The following ERC1 variants were observed in gnomAD, a reference collection of about 807,000 sequenced individuals.
ERC1 encodes RAB6 interacting protein 2.
A neutral mutation model predicts 132.0 loss-of-function variants in ERC1; 56 were observed. The ratio of observed to expected loss-of-function variants is 0.42; its 90% confidence interval spans 0.34 to 0.53. ERC1 has a LOEUF of 0.53. Ranked by LOEUF, ERC1 falls within the 20% of genes least tolerant of loss-of-function variation. The pLI is 0.03. For synonymous variants in ERC1, 478 were observed against 476.1 expected, an observed-to-expected ratio of 1.00 and a Z score of -0.05; for missense variants, 1,202 against 1,349.9, an observed-to-expected ratio of 0.89 and a Z score of 1.72.
chr12:1,108,727 A>G lies in ERC1; in HGVS notation c.1162-1465A>G, dbSNP rs1174035804. Among the ~76,000 whole-genome samples, 5 of 152,232 alleles carry G rather than the reference A, an allele frequency of 3.3e-5. 1 individual carries two copies. The East Asian group carries it at 9.6e-4, about 29-fold the overall frequency. ...AGAATGACTCTGATTGTATTAATTC[A>G]GTACAATGGATTTTGAACAGGTACA... On this transcript the variant is annotated intron_variant, in intron 4 of 18. Coordinates refer to ENST00000360905, the MANE Select transcript of ERC1 (RefSeq NM_178040.4).
chr12:1,441,115 A>G (rs983871026), intron 17 of ERC1, among the ~76,000 whole-genome samples: 5 of 151,496 alleles, frequency 3.3e-5, no homozygotes, highest in South Asian at 2.1e-4. Flanking sequence ...CTGGAGTGCA[A>G]TGGTGCGATC....
chr12:1,264,382 G>C (rs1356360530), intron 14 of ERC1, among the ~76,000 whole-genome samples: 1 of 152,180 alleles, frequency 6.6e-6, no homozygotes, highest in Non-Finnish European at 1.5e-5. Flanking sequence ...TCAAACCTAG[G>C]CCGAGCGCGG....
chr12:1,485,631 A>G (rs1012310103), intron 18 of ERC1, among the ~76,000 whole-genome samples: 2 of 152,140 alleles, frequency 1.3e-5, no homozygotes, highest in Non-Finnish European at 2.9e-5. Context: ...GGCTTATGGT[A>G]CCACTTCATA....
chr12:1,225,748 C>T (rs916818606), intron 12 of ERC1, among the ~76,000 whole-genome samples: 5 of 152,120 alleles, frequency 3.3e-5, no homozygotes, highest in African/African-American at 1.2e-4. Context: ...TGTCATAATG[C>T]CCCAAATAAC....
intron 13 of ERC1, among the ~76,000 whole-genome samples, chr12:1,249,635 G>T (rs1004118465): frequency 6.6e-6 from 1 of 152,152 alleles, no homozygotes; most frequent in Non-Finnish European, 1.5e-5. Flanking sequence ...GATTTTAATT[G>T]TATCTATAGA....
chr12:1,281,979 G>A (rs1566475616), intron 14 of ERC1, among the ~76,000 whole-genome samples: 1 of 152,036 alleles, frequency 6.6e-6, no homozygotes, highest in Non-Finnish European at 1.5e-5. Context: ...CCCTACTTAG[G>A]AGTGATGAGT....
In ERC1 at chr12:1,187,649, A is replaced by G. The variant is rs189542491; in HGVS notation, c.2158-2210A>G. ...TACTGATTAATTTCTCTTCTTCCCA[A>G]TCATTTTTCTTTTCCTACCGTTTAG... On this transcript the variant is annotated intron_variant, in intron 11 of 18. Transcript: ENST00000360905. 3.6e-4 allele frequency among the ~76,000 whole-genome samples: 55 copies of G among 152,214 alleles called. 1 individual carries two copies. In the East Asian group the frequency reaches 9.1e-3, roughly 25 times the overall value.
intron 7 of ERC1, among the ~76,000 whole-genome samples, chr12:1,129,656 A>G (rs1948563973): frequency 6.6e-6 from 1 of 152,252 alleles, no homozygotes; most frequent in Admixed American, 6.5e-5. Context: ...TTCAAAGTTT[A>G]GTGAAAAACA....
At position 1,376,384 on chromosome 12, in the gene ERC1, C is replaced by T. The variant is rs907468018; in HGVS notation, c.2925+4407C>T. Among the ~76,000 whole-genome samples the T allele has an allele frequency of 7.0e-5, 10 of 143,282 alleles. No homozygotes were observed. In the East Asian group the frequency reaches 7.8e-4, roughly 11 times the overall value. 94.0% of individuals were successfully genotyped at this position (143,282 alleles called of 152,430 possible). A position where few individuals can be genotyped will look rare whatever the true frequency, so the allele number is the denominator to read the frequency against. ...CCAAGCTACATCCCATCTCACTCGC[C>T]TTCGAGTTCTGTGATTTTCCACATG... On this transcript the variant is annotated intron_variant, in intron 16 of 18. Coordinates refer to ENST00000360905, the MANE Select transcript of ERC1 (RefSeq NM_178040.4).
chr12:1,186,657 C>A (rs144855494), intron 11 of ERC1, among the ~76,000 whole-genome samples: 14 of 152,072 alleles, frequency 9.2e-5, no homozygotes, highest in Non-Finnish European at 1.5e-4. Flanking sequence ...CATAGGTTAA[C>A]GTATAGTTAG....
chr12:1,247,250 G>A (rs991873063), intron 13 of ERC1, among the ~76,000 whole-genome samples: 7 of 152,120 alleles, frequency 4.6e-5, no homozygotes, highest in Non-Finnish European at 7.4e-5. Flanking sequence ...AAAAAAATCC[G>A]GAAAGAAAGG....
intron 8 of ERC1, among the ~76,000 whole-genome samples, chr12:1,159,510 T>C (rs1172379236): frequency 1.3e-5 from 2 of 152,088 alleles, no homozygotes; most frequent in African/African-American, 4.8e-5. Context: ...GGCCCAGGAG[T>C]TGGGGACCCC....
chr12:1,323,193 G>A (rs529118149), intron 15 of ERC1, among the ~76,000 whole-genome samples: 56 of 152,008 alleles, frequency 3.7e-4, no homozygotes, highest in Admixed American at 1.2e-3. Flanking sequence ...TCTAAAGCCC[G>A]AATAATTCTA....
intron 8 of ERC1, among the ~76,000 whole-genome samples, chr12:1,167,099 A>G (rs1183298450): frequency 6.6e-6 from 1 of 152,208 alleles, no homozygotes; most frequent in East Asian, 1.9e-4. Flanking sequence ...CCGAGCACAC[A>G]TTTTAAACTT....
In ERC1 at chr12:1,121,739, C is replaced by A. The variant is rs1292102870; in HGVS notation, c.1569+5706C>A. Reference sequence around the variant, plus strand: ...TCTATCTCTATCTCTATCTCTATCTCTATCTATCTCTATCTCTATCTCTAT... The same window carrying A: ...TCTATCTCTATCTCTATCTCTATCTATATCTATCTCTATCTCTATCTCTAT... On this transcript the variant is annotated intron_variant, in intron 7 of 18. Coordinates refer to ENST00000360905, the MANE Select transcript of ERC1 (RefSeq NM_178040.4). 3.8e-3 allele frequency among the ~76,000 whole-genome samples: 20 copies of A among 5,252 alleles called. 5 individuals are homozygous for A. The highest frequency in any genetic ancestry group is 6.6e-3 in the African/African-American group (19 of 2,898). 3.4% of individuals were successfully genotyped at this position (5,252 alleles called of 152,430 possible).
At chr12:1,092,123 C>T (rs752098082) in intron 3 of ERC1, among the ~76,000 whole-genome samples, 4 of 151,922 alleles carry the variant, frequency 2.6e-5, no homozygotes, top group Admixed American at 6.6e-5. Context: ...TTCAGCCTCC[C>T]GAGTAGCTGG....
intron 15 of ERC1, among the ~76,000 whole-genome samples, chr12:1,299,627 C>T (rs60601086): frequency 0.02 from 2,991 of 151,970 alleles, 91 homozygotes; most frequent in African/African-American, 0.067. Context: ...AGTAGGATAA[C>T]GGAAATATTA....
chr12:1,114,127 G>A (rs539716053), intron 6 of ERC1, among the ~76,000 whole-genome samples: 3 of 152,104 alleles, frequency 2.0e-5, no homozygotes, highest in South Asian at 2.1e-4. Context: ...TGGTTCAAGC[G>A]ATTCTCCTGC....
intron 16 of ERC1, among the ~76,000 whole-genome samples, chr12:1,387,355 G>A (rs1448286514): frequency 6.6e-6 from 1 of 152,156 alleles, no homozygotes; most frequent in Non-Finnish European, 1.5e-5. Flanking sequence ...GGTGGGACTA[G>A]AAGGCAGGCT....
Sources: allele counts gnomAD v4.1 joint callset (sites outside exome capture counted in the v4.1 genomes callset), GRCh38; gene constraint gnomAD v4.1.1; transcripts MANE v1.5; gene names NCBI Gene and HGNC (gene_info 2026-07-23, HGNC 2026-07-21).